Variants in ARMH3 observed in about 807,000 individuals in gnomAD.
ARMH3 encodes armadillo like helical domain containing 3.
In ARMH3, 60 loss-of-function variants were observed where a neutral mutation model predicts 99.1. The observed-to-expected ratio is 0.61, with a 90% confidence interval of 0.49 to 0.75. The LOEUF (loss-of-function observed/expected upper bound fraction) is 0.75. Ranked by LOEUF, ARMH3 falls within the 30% of genes least tolerant of loss-of-function variation. The pLI, the probability that ARMH3 is intolerant of heterozygous loss-of-function variation, is 0.00. For synonymous variants in ARMH3, 285 were observed against 292.8 expected, an observed-to-expected ratio of 0.97 and a Z score of 0.27; for missense variants, 679 against 843.1, an observed-to-expected ratio of 0.81 and a Z score of 2.41.
intron 24 of ARMH3, among the ~76,000 whole-genome samples, chr10:101,870,014 C>T (rs1019618901): frequency 1.3e-5 from 2 of 152,096 alleles, no homozygotes; most frequent in African/African-American, 4.8e-5. Context: ...GCCTGGGTGA[C>T]GAAGTGAGAT....
chr10:101,996,721 GAC>G (rs1169110067), intron 15 of ARMH3, among the ~76,000 whole-genome samples: 2 of 152,012 alleles, frequency 1.3e-5, no homozygotes, highest in African/African-American at 2.4e-5. Context: ...TTTCATTATA[GAC>G]AGTCTTTTAA....
intron 23 of ARMH3, among the ~76,000 whole-genome samples, chr10:101,932,619 G>A (rs576368148): frequency 2.0e-5 from 3 of 152,308 alleles, no homozygotes; most frequent in East Asian, 1.9e-4. Flanking sequence ...CAACACGGAC[G>A]AACCTTGAGA....
At chr10:102,054,265 T>C (rs2067782880) in intron 1 of ARMH3, among the ~76,000 whole-genome samples, 1 of 151,860 alleles carries the variant, frequency 6.6e-6, no homozygotes, top group Non-Finnish European at 1.5e-5. Flanking sequence ...GGTGCGCGCC[T>C]GTAGTCACAG....
intron 23 of ARMH3, among the ~76,000 whole-genome samples, chr10:101,912,609 G>C (rs181074475): frequency 1.3e-5 from 2 of 152,124 alleles, no homozygotes; most frequent in Admixed American, 1.3e-4. Context: ...TCATGTTGCT[G>C]CAAGTAAAGA....
At chr10:101,934,599 T>C (rs1375156980) in intron 23 of ARMH3, among the ~76,000 whole-genome samples, 1 of 152,114 alleles carries the variant, frequency 6.6e-6, no homozygotes, top group African/African-American at 2.4e-5. Context: ...ATCAGGAGAA[T>C]CACCTACTTG....
intron 20 of ARMH3, among the ~76,000 whole-genome samples, chr10:101,963,765 G>A (rs978741664): frequency 6.6e-6 from 1 of 150,878 alleles, no homozygotes; most frequent in Non-Finnish European, 1.5e-5. Flanking sequence ...GCACTTGGCT[G>A]TCTCCTGGTA....
At chr10:101,871,644 A>T (rs1316399736) in intron 24 of ARMH3, among the ~76,000 whole-genome samples, 1 of 152,244 alleles carries the variant, frequency 6.6e-6, no homozygotes, top group Non-Finnish European at 1.5e-5. Flanking sequence ...ACCATAAAAA[A>T]GGTTAATTTG....
At chr10:101,966,308 T>G (rs1301578098) in intron 20 of ARMH3, among the ~76,000 whole-genome samples, 1 of 131,586 alleles carries the variant, frequency 7.6e-6, no homozygotes, top group Non-Finnish European at 1.6e-5. Context: ...TTTTTTTTTT[T>G]TTTTTTGAGA....
intron 23 of ARMH3, among the ~76,000 whole-genome samples, chr10:101,907,310 T>C (rs2135526387): frequency 6.6e-6 from 1 of 152,266 alleles, no homozygotes; most frequent in South Asian, 2.1e-4. Context: ...TAATATATCT[T>C]CATTTTCTTC....
intron 24 of ARMH3, among the ~76,000 whole-genome samples, chr10:101,862,946 G>A (rs1180063114): frequency 6.6e-6 from 1 of 152,230 alleles, no homozygotes; most frequent in Non-Finnish European, 1.5e-5. Flanking sequence ...GCTCATGCCT[G>A]TAATCCCAGC....
intron 22 of ARMH3, among the ~76,000 whole-genome samples, chr10:101,951,952 G>A (rs1047536384): frequency 6.6e-6 from 1 of 151,694 alleles, no homozygotes; most frequent in Non-Finnish European, 1.5e-5. Flanking sequence ...GGAGGAAGAA[G>A]AGGAATAAGA....
At chr10:101,976,935 G>A (rs1479926189) in intron 19 of ARMH3, among the ~76,000 whole-genome samples, 1 of 152,098 alleles carries the variant, frequency 6.6e-6, no homozygotes, top group East Asian at 1.9e-4. Context: ...TTACAGGCAC[G>A]AGCCACCATG....
At chr10:101,951,312 G>A (rs1844772399) in intron 22 of ARMH3, among the ~76,000 whole-genome samples, 2 of 152,206 alleles carry the variant, frequency 1.3e-5, no homozygotes, top group African/African-American at 4.8e-5. Context: ...GCTCATGCCT[G>A]TAATCCCAGA....
At chr10:101,905,904 G>A (rs1479412789) in intron 23 of ARMH3, among the ~76,000 whole-genome samples, 2 of 152,108 alleles carry the variant, frequency 1.3e-5, no homozygotes, top group African/African-American at 4.8e-5. Context: ...ACCCCTTTTT[G>A]ATTGTCTGTC....
chr10:101,963,179 G>A (rs1276328240), intron 20 of ARMH3, among the ~76,000 whole-genome samples: 1 of 143,210 alleles, frequency 7.0e-6, no homozygotes, highest in African/African-American at 2.6e-5. Context: ...GTCTCACTCT[G>A]TTGCCGAGGC....
chr10:101,965,659 AGT>A (rs1845499002), intron 20 of ARMH3, among the ~76,000 whole-genome samples: 1 of 152,250 alleles, frequency 6.6e-6, no homozygotes, highest in Non-Finnish European at 1.5e-5. Flanking sequence ...AAATTACTGC[AGT>A]AAAATATTTG....
chr10:102,003,860 A>G (rs2066424661), intron 14 of ARMH3, among the ~76,000 whole-genome samples: 1 of 152,220 alleles, frequency 6.6e-6, no homozygotes, highest in Admixed American at 6.5e-5. Context: ...GAGCTAATAT[A>G]AGACAAATAT....
rs540849400 is a variant in ARMH3 at position 101,846,083 on chromosome 10, C to T, written c.*1445G>A. 2.6e-5 allele frequency: 4 copies of T among 152,330 alleles called. No individual in the cohort carries two copies. Among genetic ancestry groups the T allele is most frequent in the Admixed American group, 2.6e-4 (4 of 15,298 alleles). 9.4% of individuals were successfully genotyped at this position (152,330 alleles called of 1,614,324 possible). A position where few individuals can be genotyped will look rare whatever the true frequency, so the allele number is the denominator to read the frequency against. On this transcript the variant is annotated 3_prime_UTR_variant, in exon 26 of 26. Transcript: ENST00000370033. ...CCATGGAGGCTATCCAAGGGAGGAA[C>T]CACAAGCCAACTCCCCATAAGTCAG... is the stretch of plus-strand genomic sequence containing the variant.
Position 102,023,764 on chromosome 10 carries a change from A to G in ARMH3, c.508-15T>C, listed in dbSNP as rs887381263. 11 of 1,611,230 alleles carry G rather than the reference A, an allele frequency of 6.8e-6. No homozygotes were observed. Among genetic ancestry groups the G allele is most frequent in the Non-Finnish European group, 9.3e-6 (11 of 1,177,528 alleles). The stretch of plus-strand genomic sequence containing the variant: ...TTATCTGTCACCTGAATGTAATAAA[A>G]GGCTTTTTAAAGTCTGTTCTGAGGT... On this transcript the variant is annotated splice_polypyrimidine_tract_variant and intron_variant, in intron 6 of 25. Coordinates refer to ENST00000370033, the MANE Select transcript of ARMH3 (RefSeq NM_024541.3).
Sources: gnomAD v4.1 joint callset for allele counts (sites outside exome capture counted in the v4.1 genomes callset) on GRCh38, gnomAD v4.1.1 for gene constraint, MANE v1.5 for transcripts, NCBI Gene and HGNC (gene_info 2026-07-23, HGNC 2026-07-21) for gene names.